The following FHIT variants were observed in gnomAD, a reference collection of about 807,000 sequenced individuals.
FHIT encodes fragile histidine triad diadenosine triphosphatase, also known as bis(5'-adenosyl)-triphosphatase.
Under a neutral mutation model 17.9 loss-of-function variants are expected in FHIT, and 19 were observed. The observed-to-expected ratio is 1.06, with a 90% CI of 0.74 to 1.56. The LOEUF (loss-of-function observed/expected upper bound fraction) is 1.56. Among genes scored for constraint, FHIT ranks in the 40% most tolerant of loss-of-function variants. FHIT has a pLI of 0.00. For synonymous variants in FHIT, 81 were observed against 69.7 expected, an observed-to-expected ratio of 1.16 and a Z score of -0.81; for missense variants, 248 against 189.2, an observed-to-expected ratio of 1.31 and a Z score of -1.82.
chr3:60,545,984 A>G (rs1277908364), intron 4 of FHIT, among the ~76,000 whole-genome samples: 1 of 152,178 alleles, frequency 6.6e-6, no homozygotes, highest in African/African-American at 2.4e-5. Flanking sequence ...CTACATTACT[A>G]CATGTGGATA....
intron 5 of FHIT, among the ~76,000 whole-genome samples, chr3:60,138,259 AT>A (rs1015396168): frequency 2.6e-5 from 4 of 152,206 alleles, no homozygotes; most frequent in African/African-American, 9.6e-5. Flanking sequence ...GATGCTAAGC[AT>A]CTGTACACAA....
At chr3:60,443,893 G>C (rs2031117665) in intron 5 of FHIT, among the ~76,000 whole-genome samples, 1 of 152,108 alleles carries the variant, frequency 6.6e-6, no homozygotes, top group Non-Finnish European at 1.5e-5. Flanking sequence ...ACTACCATCA[G>C]AGTGAACAGG....
chr3:60,169,024 G>T (rs1321292596), intron 5 of FHIT, among the ~76,000 whole-genome samples: 1 of 152,154 alleles, frequency 6.6e-6, no homozygotes, highest in Admixed American at 6.5e-5. Flanking sequence ...AGGATTCTTT[G>T]AATATGGGGT....
chr3:61,086,498 T>A (rs1240786268), intron 2 of FHIT, among the ~76,000 whole-genome samples: 2 of 152,188 alleles, frequency 1.3e-5, no homozygotes, highest in African/African-American at 4.8e-5. Context: ...CAAAATCTCT[T>A]CCCCATCTCT....
At chr3:60,556,527 C>A (rs2036744789) in intron 4 of FHIT, among the ~76,000 whole-genome samples, 1 of 152,160 alleles carries the variant, frequency 6.6e-6, no homozygotes, top group South Asian at 2.1e-4. Context: ...CCTGCATTTG[C>A]TCATTTAAAC....
intron 2 of FHIT, among the ~76,000 whole-genome samples, chr3:61,052,641 G>C (rs1055889925): frequency 6.6e-6 from 1 of 152,126 alleles, no homozygotes; most frequent in Non-Finnish European, 1.5e-5. Flanking sequence ...AATTTATGCT[G>C]TTATTGCCCA....
chr3:61,145,216 G>A (rs931022083), intron 2 of FHIT, among the ~76,000 whole-genome samples: 1 of 152,016 alleles, frequency 6.6e-6, no homozygotes, highest in Non-Finnish European at 1.5e-5. Flanking sequence ...TGTTGTGTAT[G>A]GTGTGAGGTA....
intron 5 of FHIT, among the ~76,000 whole-genome samples, chr3:60,074,042 A>C (rs1702898749): frequency 6.6e-6 from 1 of 152,094 alleles, no homozygotes; most frequent in African/African-American, 2.4e-5. Context: ...GGGGCTTAAA[A>C]TGTCATGTGC....
At chr3:60,457,707 T>C (rs1210286717) in intron 5 of FHIT, among the ~76,000 whole-genome samples, 1 of 150,110 alleles carries the variant, frequency 6.7e-6, no homozygotes, top group African/African-American at 2.4e-5. Flanking sequence ...ATATCCAGAA[T>C]CTACAATGAA....
chr3:60,913,821 G>C (rs1409257573), intron 3 of FHIT, among the ~76,000 whole-genome samples: 1 of 152,114 alleles, frequency 6.6e-6, no homozygotes, highest in African/African-American at 2.4e-5. Flanking sequence ...TGTCTTTGTT[G>C]TTCTTCAGGA....
At chr3:60,781,908 C>T (rs1057145224) in intron 4 of FHIT, among the ~76,000 whole-genome samples, 5 of 151,984 alleles carry the variant, frequency 3.3e-5, no homozygotes, top group African/African-American at 7.3e-5. Flanking sequence ...TATATGTATA[C>T]AGTCTGGAAT....
chr3:60,874,964 T>C (rs782738125), intron 3 of FHIT, among the ~76,000 whole-genome samples: 1 of 152,138 alleles, frequency 6.6e-6, no homozygotes, highest in Non-Finnish European at 1.5e-5. Flanking sequence ...TACAATAAGA[T>C]TTACATTGTG....
intron 5 of FHIT, among the ~76,000 whole-genome samples, chr3:60,351,640 C>A (rs886657850): frequency 4.6e-5 from 7 of 152,156 alleles, no homozygotes; most frequent in Admixed American, 1.3e-4. Flanking sequence ...GCTGCAAACA[C>A]CACCATGATG....
At chr3:59,835,092 A>G (rs556012208) in intron 8 of FHIT, among the ~76,000 whole-genome samples, 1 of 152,282 alleles carries the variant, frequency 6.6e-6, no homozygotes, top group Non-Finnish European at 1.5e-5. Flanking sequence ...CTTTGCAAAG[A>G]CAATCTTTCC....
At chr3:60,955,613 T>TACATATATATATATAC (rs1709098039) in intron 3 of FHIT, among the ~76,000 whole-genome samples, 1 of 13,314 alleles carries the variant, frequency 7.5e-5, no homozygotes, top group Non-Finnish European at 2.9e-4. Context: ...TATATATATA[T>TACATATATATATATAC]ATATATATAT....
At chr3:60,481,556 T>C (rs1434996011) in intron 5 of FHIT, among the ~76,000 whole-genome samples, 2 of 152,144 alleles carry the variant, frequency 1.3e-5, no homozygotes, top group African/African-American at 2.4e-5. Flanking sequence ...CAACCCAGAA[T>C]TTCATATCCA....
intron 5 of FHIT, among the ~76,000 whole-genome samples, chr3:60,060,631 C>T (rs1408252889): frequency 6.6e-6 from 1 of 152,116 alleles, no homozygotes; most frequent in Non-Finnish European, 1.5e-5. Context: ...AAGAAAGCAG[C>T]TTAGTAGGAG....
intron 3 of FHIT, among the ~76,000 whole-genome samples, chr3:60,957,233 CTTTTTT>C (rs35221092): frequency 1.0e-5 from 1 of 97,140 alleles, no homozygotes; most frequent in African/African-American, 4.0e-5. Context: ...TTCTTTCTTT[CTTTTTT>C]TTTTTTTTTT....
chr3:60,895,142 C>G (rs185673469), intron 3 of FHIT, among the ~76,000 whole-genome samples: 11 of 152,170 alleles, frequency 7.2e-5, no homozygotes, highest in East Asian at 5.8e-4. Flanking sequence ...CTTTGCCCAT[C>G]ATGTCATTAA....
Sources: allele counts gnomAD v4.1 joint callset (sites outside exome capture counted in the v4.1 genomes callset), GRCh38; gene constraint gnomAD v4.1.1; transcripts MANE v1.5; gene names NCBI Gene and HGNC (gene_info 2026-07-23, HGNC 2026-07-21).